C10orf143: variants seen among roughly 807,000 people sequenced by gnomAD.
C10orf143 encodes the protein uncharacterized protein C10orf143.
At chr10:130,107,648 C>G (rs768124414) in intron 1 of C10orf143, 1 of 1,326,124 alleles carries the variant, frequency 7.5e-7, no homozygotes, top group Non-Finnish European at 1.1e-6. Context: ...TTTTCTCTCT[C>G]CCGCAACTCT....
At chr10:130,092,246 G>T (rs1861394359) in intron 1 of C10orf143, among the ~76,000 whole-genome samples, 1 of 152,220 alleles carries the variant, frequency 6.6e-6, no homozygotes, top group East Asian at 1.9e-4. Context: ...CCAGAAGAGA[G>T]TGGGGGCCAA....
intron 3 of C10orf143, among the ~76,000 whole-genome samples, chr10:130,074,222 T>C (rs1322323668): frequency 6.6e-6 from 1 of 152,196 alleles, no homozygotes; most frequent in Non-Finnish European, 1.5e-5. Context: ...TCAACCACGG[T>C]GCATGGCAGT....
chr10:130,050,351 C>G (rs908728952), intron 3 of C10orf143, among the ~76,000 whole-genome samples: 1 of 152,234 alleles, frequency 6.6e-6, no homozygotes, highest in Non-Finnish European at 1.5e-5. Context: ...GGGAGGATCA[C>G]TTGAGCCCAG....
intron 3 of C10orf143, among the ~76,000 whole-genome samples, chr10:130,049,192 T>C (rs77561529): frequency 0.018 from 2,779 of 152,222 alleles, 73 homozygotes; most frequent in African/African-American, 0.063. Flanking sequence ...GCACCTGGGC[T>C]CATGCGTTTG....
chr10:130,072,158 A>G (rs562624759), intron 3 of C10orf143, among the ~76,000 whole-genome samples: 8 of 152,324 alleles, frequency 5.3e-5, no homozygotes, highest in African/African-American at 1.7e-4. Flanking sequence ...AAAGATCTCA[A>G]TTTTATTTCA....
At chr10:130,059,400 T>C (rs1860830430), downstream of C10orf143, among the ~76,000 whole-genome samples, 1 of 152,136 alleles carries the variant, frequency 6.6e-6, no homozygotes, top group South Asian at 2.1e-4. Flanking sequence ...TCAATGGCCT[T>C]AATATATAAA....
chr10:130,080,883 A>G (rs1861196424), intron 1 of C10orf143, among the ~76,000 whole-genome samples: 1 of 152,008 alleles, frequency 6.6e-6, no homozygotes, highest in South Asian at 2.1e-4. Context: ...AAAGGAAGAG[A>G]GGAGAATTCT....
At chr10:130,088,183 G>A (rs1429813899) in intron 1 of C10orf143, among the ~76,000 whole-genome samples, 2 of 152,142 alleles carry the variant, frequency 1.3e-5, no homozygotes, top group Admixed American at 6.5e-5. Context: ...AGGAGTTCGA[G>A]ACCAGCCTGG....
At chr10:130,082,084 T>C (rs1196810839) in intron 1 of C10orf143, among the ~76,000 whole-genome samples, 4 of 152,002 alleles carry the variant, frequency 2.6e-5, no homozygotes, top group African/African-American at 9.7e-5. Flanking sequence ...ACCAGTGTGG[T>C]AGCATTAAAA....
At chr10:130,107,243 G>A (rs960243175) in intron 1 of C10orf143, 3 of 1,268,632 alleles carry the variant, frequency 2.4e-6, no homozygotes, top group East Asian at 2.3e-5. Context: ...GAAATTAACA[G>A]TAGAGGAAAA....
chr10:130,094,156 C>A (rs1424528517), intron 1 of C10orf143, among the ~76,000 whole-genome samples: 2 of 152,056 alleles, frequency 1.3e-5, no homozygotes, highest in Admixed American at 6.6e-5. Context: ...GATACATATA[C>A]CCTCCCGAAA....
chr10:130,076,218 C>A (rs1028537703), intron 3 of C10orf143, among the ~76,000 whole-genome samples: 5 of 152,198 alleles, frequency 3.3e-5, no homozygotes, highest in African/African-American at 1.2e-4. Flanking sequence ...GGAGGTGGAC[C>A]TCGCAAGAGA....
At chr10:130,059,742 G>T (rs1184558131), downstream of C10orf143, among the ~76,000 whole-genome samples, 1 of 152,086 alleles carries the variant, frequency 6.6e-6, no homozygotes, top group Non-Finnish European at 1.5e-5. Flanking sequence ...GAGAGAGAGA[G>T]AAGATCCTTG....
In C10orf143 at chr10:130,046,680, C is replaced by G. The variant is rs900838154; in HGVS notation, c.298-10710G>C. Among the ~76,000 whole-genome samples, 9 of 152,340 alleles carry G rather than the reference C, an allele frequency of 5.9e-5. 1 individual carries two copies. In the South Asian group the frequency reaches 1.2e-3, roughly 21 times the overall value. ...ATGCTCCTTTAAATATGGAAACTGC[C>G]GTCTCCGCGCTGCGGGCTGGGCGTG... is the stretch of plus-strand genomic sequence containing the variant. On this transcript the variant is annotated intron_variant and NMD_transcript_variant, in intron 3 of 5. Coordinates refer to the C10orf143 transcript ENST00000643056.
rs765895367 is a variant in C10orf143 at position 130,108,188 on chromosome 10, C to A, written c.69+2516G>T. 1.1e-5 allele frequency: 18 copies of A among 1,568,582 alleles called. No individual in the cohort carries two copies. The East Asian group carries it at 3.8e-4, about 33-fold the overall frequency. On this transcript the variant is annotated intron_variant, in intron 1 of 3. Transcript: ENST00000637128. ...AAGGGGCCCGTTCATGAGAAGAGCA[C>A]CTCCTTTCCCCCCACCTCCTCCAGG... is the stretch of plus-strand genomic sequence containing the variant.
chr10:130,105,482 G>A (rs1163686397), intron 1 of C10orf143, among the ~76,000 whole-genome samples: 1 of 152,138 alleles, frequency 6.6e-6, no homozygotes, highest in African/African-American at 2.4e-5. Context: ...TGTAATCCCA[G>A]CACTTTGGGA....
chr10:130,073,921 G>A (rs1246507093), intron 3 of C10orf143, among the ~76,000 whole-genome samples: 1 of 152,060 alleles, frequency 6.6e-6, no homozygotes, highest in African/African-American at 2.4e-5. Context: ...TCTGGGATTC[G>A]TATTTGGCTA....
intron 1 of C10orf143, among the ~76,000 whole-genome samples, chr10:130,099,681 C>T (rs1209992074): frequency 6.6e-6 from 1 of 151,522 alleles, no homozygotes; most frequent in Non-Finnish European, 1.5e-5. Context: ...GGGACTACAG[C>T]CGTGTGACAC....
chr10:130,096,850 T>TA (rs71007592), intron 1 of C10orf143, among the ~76,000 whole-genome samples: 82,045 of 141,938 alleles, frequency 0.58, 24,130 homozygotes, highest in Non-Finnish European at 0.66. Context: ...TAAAATATAT[T>TA]AAAAAAAAAA....
Sources: gnomAD v4.1 joint callset for allele counts (sites outside exome capture counted in the v4.1 genomes callset) on GRCh38, gnomAD v4.1.1 for gene constraint, MANE v1.5 for transcripts, NCBI Gene and HGNC (gene_info 2026-07-23, HGNC 2026-07-21) for gene names.